Variants in LYRM4 observed in about 807,000 individuals in gnomAD.
LYRM4 encodes the protein LYR motif-containing protein 4.
A neutral mutation model predicts 11.7 loss-of-function variants in LYRM4; 9 were observed. That is an observed-to-expected ratio of 0.77 (90% CI 0.46 to 1.34). LYRM4 has a LOEUF of 1.34. Among genes scored for constraint, LYRM4 ranks in the 40% most tolerant of loss-of-function variants. The probability of loss-of-function intolerance (pLI) is 0.00; values close to 1 mark genes in which losing one functional copy is unlikely to be tolerated. For synonymous variants in LYRM4, 42 were observed against 40.4 expected (o/e 1.04, Z -0.15); for missense variants, 133 against 112.5 (o/e 1.18, Z -0.82).
At chr6:5,146,853 C>T (rs1757756379) in intron 2 of LYRM4, among the ~76,000 whole-genome samples, 1 of 152,160 alleles carries the variant, frequency 6.6e-6, no homozygotes, top group Non-Finnish European at 1.5e-5. Flanking sequence ...TGTGGGCAGA[C>T]ACACTGTTAC....
the LYRM4 span, among the ~76,000 whole-genome samples, chr6:5,060,392 C>T: frequency 6.6e-6 from 1 of 151,800 alleles, no homozygotes; most frequent in East Asian, 1.9e-4. Context: ...TTTGCAGGTA[C>T]ATTCATGTAG....
intron 1 of LYRM4, among the ~76,000 whole-genome samples, chr6:5,238,118 C>T (rs1399607724): frequency 6.6e-6 from 1 of 152,076 alleles, no homozygotes; most frequent in East Asian, 1.9e-4. Context: ...TTTTCCTATT[C>T]TTATTTTCCT....
At chr6:5,115,577 G>A (rs1264344053) in intron 2 of LYRM4, among the ~76,000 whole-genome samples, 1 of 152,112 alleles carries the variant, frequency 6.6e-6, no homozygotes, top group Non-Finnish European at 1.5e-5. Context: ...CTAGGGGAGG[G>A]GTGCCCTCCC....
intron 2 of LYRM4, among the ~76,000 whole-genome samples, chr6:5,142,219 T>C (rs1179615805): frequency 1.3e-5 from 2 of 152,026 alleles, no homozygotes; most frequent in African/African-American, 2.4e-5. Context: ...GTAGAGAAAA[T>C]ATGGCTTCTG....
At chr6:5,136,740 G>A (rs886991798) in intron 2 of LYRM4, 21 of 985,282 alleles carry the variant, frequency 2.1e-5, no homozygotes, top group Non-Finnish European at 2.4e-5. Flanking sequence ...AAGGAGCAGC[G>A]CCTGTAGGAA....
At chr6:5,072,820 T>A in the LYRM4 span, among the ~76,000 whole-genome samples, 2 of 152,102 alleles carry the variant, frequency 1.3e-5, no homozygotes, top group South Asian at 4.1e-4. Flanking sequence ...TTATAGGTGA[T>A]CAGGGAGGGG....
chr6:5,070,360 A>G, the LYRM4 span, among the ~76,000 whole-genome samples: 2 of 152,232 alleles, frequency 1.3e-5, no homozygotes, highest in African/African-American at 4.8e-5. Flanking sequence ...TGCAGGAGTG[A>G]AAATGGGTGG....
the LYRM4 span, among the ~76,000 whole-genome samples, chr6:5,036,544 G>A: frequency 1.3e-5 from 2 of 152,208 alleles, no homozygotes; most frequent in Non-Finnish European, 2.9e-5. Flanking sequence ...GCCATGGTTT[G>A]TCCTGACTCG....
chr6:5,123,191 C>T (rs753103145), intron 2 of LYRM4, among the ~76,000 whole-genome samples: 3 of 152,186 alleles, frequency 2.0e-5, no homozygotes, highest in African/African-American at 4.8e-5. Flanking sequence ...GCAGTGGGCC[C>T]GGTGCTCTGA....
At position 5,260,741 on chromosome 6, in the gene LYRM4, A is replaced by AC; in HGVS notation, c.-9_-8insG. On this transcript the variant is annotated 5_prime_UTR_variant, in exon 1 of 3. Coordinates refer to ENST00000330636, the MANE Select transcript of LYRM4 (RefSeq NM_020408.6). Reference sequence around the variant, plus strand: ...GCGACTGGAGGCTGCCATTTTGGAAAGAAAAAAAAATAAACGGGTCCTCTT... The same window carrying AC: ...GCGACTGGAGGCTGCCATTTTGGAAACGAAAAAAAAATAAACGGGTCCTCTT... 2 of 1,545,176 alleles carry AC rather than the reference A, an allele frequency of 1.3e-6. No individual in the cohort carries two copies. Among genetic ancestry groups the AC allele is most frequent in the South Asian group, 1.2e-5 (1 of 84,200 alleles).
intron 1 of LYRM4, among the ~76,000 whole-genome samples, chr6:5,256,137 TAGGGA>T (rs1764653802): frequency 6.6e-6 from 1 of 151,904 alleles, no homozygotes; most frequent in African/African-American, 2.4e-5. Flanking sequence ...GATGCTATTC[TAGGGA>T]ACATCAGAAT....
At chr6:5,220,024 C>T (rs1381145310) in intron 1 of LYRM4, among the ~76,000 whole-genome samples, 2 of 152,240 alleles carry the variant, frequency 1.3e-5, no homozygotes, top group Non-Finnish European at 2.9e-5. Flanking sequence ...TTGGCAGTTT[C>T]TTGGTGCTTC....
At chr6:5,249,998 T>C (rs1764358383) in intron 1 of LYRM4, among the ~76,000 whole-genome samples, 1 of 152,190 alleles carries the variant, frequency 6.6e-6, no homozygotes, top group Non-Finnish European at 1.5e-5. Flanking sequence ...AACAGAATGT[T>C]TTGTAATCAC....
At chr6:5,106,436 C>T (rs1762666752), downstream of LYRM4, 1 of 152,326 alleles carries the variant, frequency 6.6e-6, no homozygotes, top group African/African-American at 2.4e-5. Context: ...AGGCTTCACC[C>T]TCTGCCTGTC....
intron 2 of LYRM4, among the ~76,000 whole-genome samples, chr6:5,122,999 G>A (rs1763529230): frequency 6.6e-6 from 1 of 152,208 alleles, no homozygotes; most frequent in South Asian, 2.1e-4. Context: ...CCCAGGGCTT[G>A]GGAGCCTTCC....
chr6:5,060,128 A>G, the LYRM4 span, among the ~76,000 whole-genome samples: 1 of 152,246 alleles, frequency 6.6e-6, no homozygotes, highest in Non-Finnish European at 1.5e-5. Flanking sequence ...CCTGTTACTA[A>G]CAGTGCTTCA....
chr6:5,158,442 T>C (rs1403849618), intron 2 of LYRM4, among the ~76,000 whole-genome samples: 2 of 151,128 alleles, frequency 1.3e-5, no homozygotes, highest in African/African-American at 4.9e-5. Flanking sequence ...TTTATTTCTC[T>C]GGTCTGCAGG....
intron 2 of LYRM4, among the ~76,000 whole-genome samples, chr6:5,175,235 T>A (rs1235462131): frequency 2.6e-5 from 4 of 152,232 alleles, no homozygotes; most frequent in African/African-American, 4.8e-5. Context: ...TCTCATGGTA[T>A]GCTTTTAAAA....
chr6:5,078,870 CA>C, the LYRM4 span, among the ~76,000 whole-genome samples: 1 of 152,170 alleles, frequency 6.6e-6, no homozygotes, highest in East Asian at 1.9e-4. Flanking sequence ...TAATCTCTTT[CA>C]AAAGCCAAGG....
Sources: allele counts gnomAD v4.1 joint callset (sites outside exome capture counted in the v4.1 genomes callset), GRCh38; gene constraint gnomAD v4.1.1; transcripts MANE v1.5; gene names NCBI Gene and HGNC (gene_info 2026-07-23, HGNC 2026-07-21).